The following ADAMTS2 variants were observed in gnomAD, a reference collection of about 807,000 sequenced individuals.
ADAMTS2 encodes the protein ADAM metallopeptidase with thrombospondin type 1 motif 2, also known as A disintegrin and metalloproteinase with thrombospondin motifs 2.
In ADAMTS2, 50 loss-of-function variants were observed where a neutral mutation model predicts 123.0. The ratio of observed to expected loss-of-function variants is 0.41; its 90% confidence interval spans 0.32 to 0.51. The LOEUF is 0.51. ADAMTS2 is among the 20% of genes least tolerant of loss of function. The pLI, the probability that ADAMTS2 is intolerant of heterozygous loss-of-function variation, is 0.35. For synonymous variants in ADAMTS2, 678 were observed against 695.4 expected (o/e 0.98, Z 0.39); for missense variants, 1,494 against 1,705.2 (o/e 0.88, Z 2.18).
chr5:179,160,806 A>C lies in ADAMTS2; in HGVS notation c.976-1927T>G, dbSNP rs545557610. ...AAGGGGAGGTGCACTTCCTGTTCCC[A>C]TCATGACCAGGAAGAGCATGTGACT... On this transcript the variant is annotated intron_variant, in intron 5 of 21. Transcript: ENST00000251582. Among the ~76,000 whole-genome samples the C allele has an allele frequency of 2.0e-4, 30 of 152,296 alleles. 1 individual carries two copies. The South Asian group carries it at 5.8e-3, about 30-fold the overall frequency.
At position 179,178,826 on chromosome 5, in the gene ADAMTS2, T is replaced by C. The variant is rs1169123543; in HGVS notation, c.975+2246A>G. ...AGGCAGGGCTAATGTGTGTCGAACATATCACCCAAGGAAGAAGCTTTTGGA... is the reference window on the plus strand; with the variant it reads ...AGGCAGGGCTAATGTGTGTCGAACACATCACCCAAGGAAGAAGCTTTTGGA... On this transcript the variant is annotated intron_variant, in intron 5 of 21. Transcript: ENST00000251582. Among the ~76,000 whole-genome samples, 7 of 152,354 alleles carry C rather than the reference T, an allele frequency of 4.6e-5. No individual in the cohort carries two copies. The South Asian group carries it at 1.5e-3, about 32-fold the overall frequency.
intron 11 of ADAMTS2, among the ~76,000 whole-genome samples, chr5:179,139,077 G>T (rs942750218): frequency 2.0e-5 from 3 of 152,244 alleles, no homozygotes; most frequent in African/African-American, 7.2e-5. Context: ...AAAGACCGAA[G>T]CTCTGTGTGT....
intron 5 of ADAMTS2, among the ~76,000 whole-genome samples, chr5:179,176,408 C>A (rs1267172645): frequency 6.6e-6 from 1 of 152,164 alleles, no homozygotes; most frequent in African/African-American, 2.4e-5. Flanking sequence ...ATCTTCTTGG[C>A]CTCCTCCGCT....
At chr5:179,127,916 C>A (rs1314451036) in intron 17 of ADAMTS2, 43 bp downstream of exon 17, 2 of 1,611,176 alleles carry the variant, frequency 1.2e-6, no homozygotes, top group South Asian at 2.2e-5. Context: ...TTCTCGTGGT[C>A]ACCCTCATGT....
intron 3 of ADAMTS2, among the ~76,000 whole-genome samples, chr5:179,217,531 G>A (rs1765009715): frequency 6.6e-6 from 1 of 152,218 alleles, no homozygotes; most frequent in Admixed American, 6.5e-5. Flanking sequence ...AGCAAAAACA[G>A]ATTCCAAGTG....
At chr5:179,275,040 C>G (rs1342705808) in intron 2 of ADAMTS2, among the ~76,000 whole-genome samples, 1 of 152,082 alleles carries the variant, frequency 6.6e-6, no homozygotes, top group Non-Finnish European at 1.5e-5. Context: ...GAAGAGCTGA[C>G]CAGGTGGGTG....
At position 179,132,559 on chromosome 5, in the gene ADAMTS2, C is replaced by A. The variant is rs1399442830; in HGVS notation, c.2209+218G>T. On this transcript the variant is annotated intron_variant, in intron 14 of 21. Transcript: ENST00000251582. The surrounding 1 kb of genome is among the most constrained non-coding windows in gnomAD (Gnocchi z 6.1). Reference sequence around the variant, plus strand: ...CATTCTCCACTCTAACCCCTGTGACCCCGGCCCCCACTCTCCTCTTCCCCA... The same window carrying A: ...CATTCTCCACTCTAACCCCTGTGACACCGGCCCCCACTCTCCTCTTCCCCA... Among the ~76,000 whole-genome samples the A allele has an allele frequency of 6.6e-6, 1 of 152,108 alleles. No homozygotes were observed.
At chr5:179,221,517 G>A (rs1765125262) in intron 3 of ADAMTS2, among the ~76,000 whole-genome samples, 1 of 152,160 alleles carries the variant, frequency 6.6e-6, no homozygotes, top group Non-Finnish European at 1.5e-5. Context: ...GAGCAGGAGT[G>A]ACCGAGGACA....
intron 12 of ADAMTS2, 115 bp downstream of exon 12, chr5:179,137,654 C>A: frequency 7.1e-7 from 1 of 1,413,452 alleles, no homozygotes; most frequent in Non-Finnish European, 9.6e-7. Context: ...GCTCTCCTGC[C>A]AGCCCAGGGT....
Position 179,242,641 on chromosome 5 carries a change from G to A in ADAMTS2, c.688+30270C>T, listed in dbSNP as rs1203934469. Among the ~76,000 whole-genome samples, 4 of 152,246 alleles carry A rather than the reference G, an allele frequency of 2.6e-5. No individual in the cohort carries two copies. Among genetic ancestry groups the A allele is most frequent in the African/African-American group, 4.8e-5 (2 of 41,536 alleles). On this transcript the variant is annotated intron_variant, in intron 3 of 21. Coordinates refer to ENST00000251582, the MANE Select transcript of ADAMTS2 (RefSeq NM_014244.5). This position sits in a 1 kb window ranked among gnomAD's most constrained non-coding sequence, Gnocchi z 4.2. ...AATCCCAGTAAGAACAGCAAGAATC[G>A]GTGGCACCTGAGCCATCACTTGCTC... is the stretch of plus-strand genomic sequence containing the variant.
intron 3 of ADAMTS2, among the ~76,000 whole-genome samples, chr5:179,245,352 C>T (rs369834694): frequency 1.3e-5 from 2 of 152,324 alleles, no homozygotes; most frequent in East Asian, 3.9e-4. Context: ...AGACTCATTT[C>T]AGACTCTGAC....
intron 4 of ADAMTS2, among the ~76,000 whole-genome samples, chr5:179,193,782 C>T (rs1361599890): frequency 6.6e-6 from 1 of 152,344 alleles, no homozygotes; most frequent in African/African-American, 2.4e-5. Context: ...ACAAAGTCAC[C>T]TTTGTGGGAG....
intron 2 of ADAMTS2, among the ~76,000 whole-genome samples, chr5:179,321,441 C>A (rs1056141599): frequency 2.6e-5 from 4 of 152,198 alleles, no homozygotes; most frequent in Non-Finnish European, 4.4e-5. Context: ...GCAAAGCCCC[C>A]TCTTGGCTGC....
At chr5:179,214,667 G>A (rs764687633) in intron 3 of ADAMTS2, among the ~76,000 whole-genome samples, 2 of 152,120 alleles carry the variant, frequency 1.3e-5, no homozygotes, top group African/African-American at 4.8e-5. Flanking sequence ...AATGTTCAAC[G>A]ACTACACAAA....
intron 2 of ADAMTS2, among the ~76,000 whole-genome samples, chr5:179,289,314 C>T (rs1220406934): frequency 6.6e-6 from 1 of 152,108 alleles, no homozygotes; most frequent in Non-Finnish European, 1.5e-5. Context: ...AAATAAATAT[C>T]CACAGATCAG....
At position 179,189,510 on chromosome 5, in the gene ADAMTS2, G is replaced by GCTTTTTTTTTTTTTTT. The variant is rs1554128903; in HGVS notation, c.892-8356_892-8355insAAAAAAAAAAAAAAAG. 1.3e-5 allele frequency among the ~76,000 whole-genome samples: 1 copy of GCTTTTTTTTTTTTTTT among 78,954 alleles called. No individual in the cohort carries two copies. Among genetic ancestry groups the GCTTTTTTTTTTTTTTT allele is most frequent in the African/African-American group, 4.5e-5 (1 of 22,396 alleles). 51.8% of individuals were successfully genotyped at this position (78,954 alleles called of 152,430 possible). A position where few individuals can be genotyped will look rare whatever the true frequency, so the allele number is the denominator to read the frequency against. On this transcript the variant is annotated intron_variant, in intron 4 of 21. Coordinates refer to ENST00000251582, the MANE Select transcript of ADAMTS2 (RefSeq NM_014244.5). This position sits in a 1 kb window ranked among gnomAD's most constrained non-coding sequence, Gnocchi z 4.2. Reference sequence around the variant, plus strand: ...CTACAGGCGCCCGCCAGTGCGCCTGGTTTTTTTTTTTTTTTTTTTTTTTTT... The same window carrying GCTTTTTTTTTTTTTTT: ...CTACAGGCGCCCGCCAGTGCGCCTGGCTTTTTTTTTTTTTTTTTTTTTTTTTTTTTTTTTTTTTTTT...
chr5:179,326,433 G>A (rs1757321603), intron 2 of ADAMTS2, among the ~76,000 whole-genome samples: 1 of 152,050 alleles, frequency 6.6e-6, no homozygotes, highest in South Asian at 2.1e-4. Flanking sequence ...TCCCAGGCCG[G>A]TGATGCCTGG....
At chr5:179,335,860 A>C (rs1757598970) in intron 2 of ADAMTS2, among the ~76,000 whole-genome samples, 3 of 152,190 alleles carry the variant, frequency 2.0e-5, no homozygotes, top group African/African-American at 7.2e-5. Context: ...AGGGCTGCAG[A>C]GCCTCCACGC....
In ADAMTS2 at chr5:179,181,351, T is replaced by C. The variant is rs1764043540; in HGVS notation, c.892-196A>G. 1.3e-5 allele frequency among the ~76,000 whole-genome samples: 2 copies of C among 152,144 alleles called. No homozygotes were observed. Among genetic ancestry groups the C allele is most frequent in the African/African-American group, 4.8e-5 (2 of 41,434 alleles). ...GCCTCTCCAGGCTGCCACCACCACC[T>C]GCTGGGATCACTGTAGCCCCTTCCT... On this transcript the variant is annotated intron_variant, in intron 4 of 21. Coordinates refer to ENST00000251582, the MANE Select transcript of ADAMTS2 (RefSeq NM_014244.5). This position sits in a 1 kb window ranked among gnomAD's most constrained non-coding sequence, Gnocchi z 4.1.
Sources: gnomAD v4.1 joint callset for allele counts (sites outside exome capture counted in the v4.1 genomes callset) on GRCh38, gnomAD v4.1.1 for gene constraint, Gnocchi (gnomAD v3.1) non-coding constraint, MANE v1.5 for transcripts, NCBI Gene and HGNC (gene_info 2026-07-23, HGNC 2026-07-21) for gene names.